The following SETD5 variants were observed in gnomAD, a reference collection of about 807,000 sequenced individuals.
SETD5 encodes the protein histone-lysine N-methyltransferase SETD5.
SETD5 carries 44 observed loss-of-function variants against 153.3 expected under a neutral mutation model. The ratio of observed to expected loss-of-function variants is 0.29; its 90% CI spans 0.23 to 0.37. The LOEUF (loss-of-function observed/expected upper bound fraction) is 0.37. SETD5 is among the 10% of genes least tolerant of loss of function. SETD5 has a pLI of 1.00. For missense variants in SETD5, 1,544 were observed against 1,768.0 expected, an observed-to-expected ratio of 0.87 and a Z score of 2.27; for synonymous variants, 716 against 645.2, an observed-to-expected ratio of 1.11 and a Z score of -1.66.
At chr3:9,436,920 T>C in intron 7 of SETD5, 1 of 1,545,290 alleles carries the variant, frequency 6.5e-7, no homozygotes, top group Non-Finnish European at 8.7e-7. Flanking sequence ...TGCTGTGTTT[T>C]ACTTCACTGT....
chr3:9,459,683 C>T (rs1357988859), intron 17 of SETD5, among the ~76,000 whole-genome samples: 1 of 141,050 alleles, frequency 7.1e-6, no homozygotes, highest in East Asian at 2.0e-4. Flanking sequence ...CTCGCCACTG[C>T]ACTCCAGCCT....
intron 7 of SETD5, among the ~76,000 whole-genome samples, chr3:9,440,017 G>A (rs768666863): frequency 1.3e-5 from 2 of 152,048 alleles, no homozygotes; most frequent in Non-Finnish European, 2.9e-5. Flanking sequence ...AACCAGTTTG[G>A]GCTAACACTT....
chr3:9,414,384 A>AGT (rs750549536), intron 1 of SETD5, among the ~76,000 whole-genome samples: 9 of 151,316 alleles, frequency 5.9e-5, no homozygotes, highest in East Asian at 1.9e-4. Context: ...TTTTTTGGGG[A>AGT]GTGTGTGTGT....
intron 10 of SETD5, 82 bp downstream of exon 10, chr3:9,442,327 C>A: frequency 1.0e-6 from 1 of 963,116 alleles, no homozygotes; most frequent in East Asian, 2.6e-5. Context: ...AAACTTCACT[C>A]AGATAAAGGT....
intron 1 of SETD5, among the ~76,000 whole-genome samples, chr3:9,398,948 G>A (rs1165193550): frequency 6.6e-6 from 1 of 152,188 alleles, no homozygotes; most frequent in Non-Finnish European, 1.5e-5. Flanking sequence ...TGTATGACCT[G>A]CATTTTCTGC....
At chr3:9,431,099 A>G (rs2039909996) in intron 3 of SETD5, 1 of 985,352 alleles carries the variant, frequency 1.0e-6, no homozygotes, top group East Asian at 1.1e-4. Context: ...ATACTCAACT[A>G]GATGTAGACT....
chr3:9,413,987 A>G (rs1279887640), intron 1 of SETD5, among the ~76,000 whole-genome samples: 2 of 152,120 alleles, frequency 1.3e-5, no homozygotes, highest in African/African-American at 2.4e-5. Flanking sequence ...CATTTTGGCC[A>G]GGATGGTTTC....
chr3:9,445,155 T>A lies in SETD5; in HGVS notation c.1295T>A (p.Leu432Gln). The change falls in exon 12 of 23, where the codon CTA becomes CAA. Residue 432 changes from leucine to glutamine, a missense_variant. By Grantham distance (113) the Leu-to-Gln change is moderately radical. Around this residue, in one of 9 missense-constraint regions of SETD5, gnomAD observed 782 missense variants for 787.2 expected, o/e 0.99. Coordinates refer to ENST00000402198, the MANE Select transcript of SETD5 (RefSeq NM_001080517.3). ...CCACTCCTACCACCTCCTCCAAGCC[T>A]ACCCACCATTGGAGCAGAGACTAGA... ...ELPLLPPPPS[L>Q]PTIGAETRRR... is the part of the protein sequence containing the mutation. The A allele has an allele frequency of 1.9e-6, 3 of 1,613,992 alleles. No individual in the cohort carries two copies. The highest frequency in any genetic ancestry group is 2.5e-6 in the Non-Finnish European group (3 of 1,179,892).
intron 16 of SETD5, among the ~76,000 whole-genome samples, chr3:9,449,184 A>G (rs992351536): frequency 3.3e-5 from 5 of 152,160 alleles, no homozygotes; most frequent in African/African-American, 1.2e-4. Context: ...CCAAGAGAAT[A>G]CAGAATCTAC....
chr3:9,442,065 G>T, intron 9 of SETD5, 63 bp from the exon 10 acceptor site: 2 of 1,067,542 alleles, frequency 1.9e-6, no homozygotes, highest in South Asian at 1.3e-5. Flanking sequence ...CTTCATATTT[G>T]GAGTCATGGG....
chr3:9,468,973 C>G (rs1023728787), intron 18 of SETD5, among the ~76,000 whole-genome samples: 7 of 152,082 alleles, frequency 4.6e-5, no homozygotes, highest in African/African-American at 9.7e-5. Context: ...GTTGTAAGAG[C>G]TGTTTTTTGA....
At chr3:9,458,889 G>A (rs1053302660) in intron 17 of SETD5, among the ~76,000 whole-genome samples, 3 of 152,112 alleles carry the variant, frequency 2.0e-5, no homozygotes, top group Non-Finnish European at 2.9e-5. Flanking sequence ...AAGTAATTGC[G>A]TTTTTGGACC....
intron 3 of SETD5, chr3:9,431,202 C>G (rs2039922073): frequency 1.0e-6 from 1 of 985,322 alleles, no homozygotes; most frequent in Non-Finnish European, 1.2e-6. Context: ...ATGTAACAAG[C>G]AAAACAAAGA....
Position 9,397,651 on chromosome 3 carries a change from T to TGCC in SETD5, c.-470_-468dup, listed in dbSNP as rs368632604. 5,947 of 172,122 alleles carry TGCC rather than the reference T, an allele frequency of 0.035. 143 individuals carry two copies. Among genetic ancestry groups the TGCC allele is most frequent in the African/African-American group, 0.064 (2,607 of 40,664 alleles). 10.7% of individuals were successfully genotyped at this position (172,122 alleles called of 1,614,324 possible). A position where few individuals can be genotyped will look rare whatever the true frequency, so the allele number is the denominator to read the frequency against. On this transcript the variant is annotated 5_prime_UTR_variant, in exon 1 of 23. Transcript: ENST00000402198. ...CGCTCGGGCAGCGGGCTGAGTGAGC[T>TGCC]GCCGCCGCCGCCGCCGCCGCCGCCG...
intron 3 of SETD5, chr3:9,432,268 A>G: frequency 1.0e-5 from 10 of 984,710 alleles, no homozygotes; most frequent in South Asian, 9.4e-5. Flanking sequence ...TCACTTAGAA[A>G]TTTCCTTTGC....
At position 9,447,151 on chromosome 3, in the gene SETD5, T is replaced by C. The variant is rs763969726; in HGVS notation, c.1626T>C (p.Asp542=). 2 of 1,613,860 alleles carry C rather than the reference T, an allele frequency of 1.2e-6. No individual in the cohort carries two copies. The highest frequency in any genetic ancestry group is 1.7e-5 in the Admixed American group (1 of 60,008). The change falls in exon 14 of 23, where the codon GAT becomes GAC. Residue 542 remains aspartate (D), a synonymous_variant. Transcript: ENST00000402198. ...AGCCCTTGGAACAGAGCAACTCTGA[T>C]GTAGAGATTACTACAACCACCTCAG... ...RDQPLEQSNS[D]VEITTTTSET...
At chr3:9,455,224 GCCTCC>G (rs2043100375) in intron 17 of SETD5, among the ~76,000 whole-genome samples, 1 of 117,772 alleles carries the variant, frequency 8.5e-6, no homozygotes, top group Non-Finnish European at 1.6e-5. Context: ...CCCTGCCTCA[GCCTCC>G]CGAGTAACTG....
In SETD5 at chr3:9,428,927, G is replaced by T; in HGVS notation, c.-12G>T. 1 of 1,610,018 alleles carries T rather than the reference G, an allele frequency of 6.2e-7. No individual in the cohort carries two copies. The highest frequency in any genetic ancestry group is 1.3e-5 in the African/African-American group (1 of 74,934). On this transcript the variant is annotated 5_prime_UTR_variant, in exon 3 of 23. Coordinates refer to ENST00000402198, the MANE Select transcript of SETD5 (RefSeq NM_001080517.3). Reference sequence around the variant, plus strand: ...GACCCCGTGATTTCCAATCTCTGCTGTGTTGGACGTCATGAGCATTGCAAT... The same window carrying T: ...GACCCCGTGATTTCCAATCTCTGCTTTGTTGGACGTCATGAGCATTGCAAT...
rs2040223297 is a variant in SETD5, at chr3:9,433,629, A to T, written c.72-216A>T. The T allele has an allele frequency of 2.8e-5, 28 of 1,012,162 alleles. No homozygotes were observed. In the South Asian group the frequency reaches 3.4e-4, roughly 12 times the overall value. 62.7% of individuals were successfully genotyped at this position (1,012,162 alleles called of 1,614,324 possible). On this transcript the variant is annotated intron_variant, in intron 3 of 22. Transcript: ENST00000402198. ...TGCCTGCCTTCAGACATCTGCCTGTACTGGCTTCATGTTACACACAAATCC... is the reference window on the plus strand; with the variant it reads ...TGCCTGCCTTCAGACATCTGCCTGTTCTGGCTTCATGTTACACACAAATCC...
Sources: allele counts gnomAD v4.1 joint callset (sites outside exome capture counted in the v4.1 genomes callset), GRCh38; gene constraint gnomAD v4.1.1; regional missense constraint gnomAD v4.1.1; transcripts MANE v1.5; gene names NCBI Gene and HGNC (gene_info 2026-07-23, HGNC 2026-07-21).